Variants in SMARCC1 observed in about 807,000 individuals in gnomAD.
The protein encoded by SMARCC1 is SWI/SNF complex subunit SMARCC1.
SMARCC1 carries 43 observed loss-of-function variants against 147.4 expected under a neutral mutation model. That is an observed-to-expected ratio of 0.29 (90% confidence interval 0.23 to 0.38). The LOEUF (loss-of-function observed/expected upper bound fraction) is 0.38. SMARCC1 is among the 10% of genes least tolerant of loss of function. The probability of loss-of-function intolerance (pLI) is 1.00; values close to 1 mark genes in which losing one functional copy is unlikely to be tolerated. For synonymous variants in SMARCC1, 495 were observed against 484.4 expected (o/e 1.02, Z -0.29); for missense variants, 1,119 against 1,381.1 (o/e 0.81, Z 3.01).
At chr3:47,637,883 G>A (rs1474534320) in intron 22 of SMARCC1, among the ~76,000 whole-genome samples, 1 of 151,960 alleles carries the variant, frequency 6.6e-6, no homozygotes, top group East Asian at 1.9e-4. Flanking sequence ...TCCAACTAGT[G>A]GGAATCTTTG....
At chr3:47,650,737 C>T (rs2033179905) in intron 21 of SMARCC1, among the ~76,000 whole-genome samples, 1 of 151,830 alleles carries the variant, frequency 6.6e-6, no homozygotes, top group African/African-American at 2.4e-5. Flanking sequence ...ATCACTTGAG[C>T]CCAGGAGGTC....
chr3:47,748,063 C>A (rs2106843702), intron 2 of SMARCC1, among the ~76,000 whole-genome samples: 1 of 152,140 alleles, frequency 6.6e-6, no homozygotes, highest in African/African-American at 2.4e-5. Context: ...GAGGCTGAGG[C>A]AGGAGAATCG....
chr3:47,604,106 G>C (rs1323609307), intron 26 of SMARCC1: 6 of 456,636 alleles, frequency 1.3e-5, no homozygotes, highest in Admixed American at 1.2e-4. Flanking sequence ...AATATGTACA[G>C]GTGCCAGCTT....
At chr3:47,691,377 G>C (rs1486858923) in intron 12 of SMARCC1, among the ~76,000 whole-genome samples, 3 of 152,148 alleles carry the variant, frequency 2.0e-5, no homozygotes, top group Admixed American at 6.5e-5. Context: ...ACTCTGGGAG[G>C]CCGAGGTGGG....
chr3:47,777,017 G>A (rs113413341), intron 1 of SMARCC1, among the ~76,000 whole-genome samples: 1,591 of 151,620 alleles, frequency 0.01, 31 homozygotes, highest in African/African-American at 0.035. Context: ...CAGATGATCC[G>A]CCTGCCTCGG....
Position 47,780,093 on chromosome 3 carries a change from A to C in SMARCC1, c.195+1510T>G, listed in dbSNP as rs918794272. On this transcript the variant is annotated intron_variant, in intron 1 of 27. Coordinates refer to ENST00000254480, the MANE Select transcript of SMARCC1 (RefSeq NM_003074.4). Reference sequence around the variant, plus strand: ...TCACTTCCTCAAACTTCAGATAAGAAATGTAATTTTTCTAGCTGACCTTCA... The same window carrying C: ...TCACTTCCTCAAACTTCAGATAAGACATGTAATTTTTCTAGCTGACCTTCA... Among the ~76,000 whole-genome samples, 16 of 151,636 alleles carry C rather than the reference A, an allele frequency of 1.1e-4. No individual in the cohort carries two copies. In the East Asian group the frequency reaches 3.1e-3, roughly 29 times the overall value.
intron 21 of SMARCC1, among the ~76,000 whole-genome samples, chr3:47,653,623 G>C (rs115716268): frequency 6.6e-6 from 1 of 152,046 alleles, no homozygotes; most frequent in Admixed American, 6.6e-5. Flanking sequence ...AATTCCCAAG[G>C]GAGAAACATT....
rs545566928 is a variant in SMARCC1 at position 47,634,875 on chromosome 3, A to C, written c.2646+315T>G. On this transcript the variant is annotated intron_variant, in intron 24 of 27. Transcript: ENST00000254480. ...AATTATTGGAACAATAGTCCAAGATAAGTTCTGCAGGCAAATTAAAAACAA... is the reference window on the plus strand; with the variant it reads ...AATTATTGGAACAATAGTCCAAGATCAGTTCTGCAGGCAAATTAAAAACAA... Among the ~76,000 whole-genome samples, 10 of 152,358 alleles carry C rather than the reference A, an allele frequency of 6.6e-5. No individual in the cohort carries two copies. The South Asian group carries it at 2.1e-3, about 32-fold the overall frequency.
At chr3:47,633,209 G>C (rs1369714119) in intron 24 of SMARCC1, among the ~76,000 whole-genome samples, 2 of 152,156 alleles carry the variant, frequency 1.3e-5, no homozygotes, top group African/African-American at 2.4e-5. Context: ...TAAAAAGCAA[G>C]AAGATTACAT....
At chr3:47,654,121 A>G (rs1419825981) in intron 21 of SMARCC1, among the ~76,000 whole-genome samples, 1 of 152,270 alleles carries the variant, frequency 6.6e-6, no homozygotes, top group East Asian at 1.9e-4. Flanking sequence ...TTCAAAACAT[A>G]CATGTAAAAA....
chr3:47,728,865 C>T (rs527955934), intron 6 of SMARCC1, among the ~76,000 whole-genome samples, 160 bp downstream of exon 6: 8 of 152,052 alleles, frequency 5.3e-5, no homozygotes, highest in Non-Finnish European at 1.2e-4. Flanking sequence ...GAGCTGAGAT[C>T]GCGCCACTGC....
chr3:47,678,281 G>GTCAA lies in SMARCC1; in HGVS notation c.1484_1487dup (p.Thr497Ter). On this transcript the variant is annotated stop_gained and frameshift_variant, in exon 16 of 28. Coordinates refer to ENST00000254480, the MANE Select transcript of SMARCC1 (RefSeq NM_003074.4). LOFTEE classifies it high-confidence loss of function. ...ACTCTTGGGGGTTTAGACGATACGTGTCAATCATAAAATTTCGATATGCCA... is the reference window on the plus strand; with the variant it reads ...ACTCTTGGGGGTTTAGACGATACGTGTCAATCAATCATAAAATTTCGATATGCCA... 6.3e-7 allele frequency: 1 copy of GTCAA among 1,595,914 alleles called. No homozygotes were observed. Among genetic ancestry groups the GTCAA allele is most frequent in the East Asian group, 2.3e-5 (1 of 43,716 alleles).
chr3:47,646,373 T>C (rs73831522), intron 21 of SMARCC1, among the ~76,000 whole-genome samples: 2,472 of 152,296 alleles, frequency 0.016, 61 homozygotes, highest in African/African-American at 0.047. Context: ...TTATTGTTGA[T>C]AAACCAACAG....
chr3:47,649,838 C>T (rs2033163873), intron 21 of SMARCC1, among the ~76,000 whole-genome samples: 1 of 152,148 alleles, frequency 6.6e-6, no homozygotes, highest in African/African-American at 2.4e-5. Context: ...CATTCCAACT[C>T]TCTTGAGGGA....
chr3:47,716,696 G>A (rs2106804958), intron 7 of SMARCC1, among the ~76,000 whole-genome samples: 1 of 152,266 alleles, frequency 6.6e-6, no homozygotes, highest in South Asian at 2.1e-4. Context: ...CCATTGAAGG[G>A]TTTCAAAGGG....
chr3:47,632,865 G>A (rs1420696641), intron 24 of SMARCC1, among the ~76,000 whole-genome samples: 1 of 151,936 alleles, frequency 6.6e-6, no homozygotes, highest in Non-Finnish European at 1.5e-5. Context: ...GTTTGAAATT[G>A]CAGCCAGAGA....
intron 25 of SMARCC1, among the ~76,000 whole-genome samples, chr3:47,619,097 G>A (rs1225179784): frequency 6.6e-6 from 1 of 152,140 alleles, no homozygotes; most frequent in South Asian, 2.1e-4. Context: ...CTAAAGCTCC[G>A]CCTGTAGGAC....
At chr3:47,651,621 T>G (rs980137933) in intron 21 of SMARCC1, among the ~76,000 whole-genome samples, 2 of 152,208 alleles carry the variant, frequency 1.3e-5, no homozygotes, top group African/African-American at 4.8e-5. Flanking sequence ...ACTTTCTCAA[T>G]GAGACTTTCC....
At chr3:47,695,593 C>T (rs1451242868) in intron 11 of SMARCC1, among the ~76,000 whole-genome samples, 2 of 151,324 alleles carry the variant, frequency 1.3e-5, no homozygotes, top group South Asian at 2.1e-4. Flanking sequence ...GTGGTGAAAC[C>T]CTGTCTCTAC....
Sources: gnomAD v4.1 joint callset for allele counts (sites outside exome capture counted in the v4.1 genomes callset) on GRCh38, gnomAD v4.1.1 for gene constraint, MANE v1.5 for transcripts, NCBI Gene and HGNC (gene_info 2026-07-23, HGNC 2026-07-21) for gene names.